ATP2C2: variants seen among roughly 807,000 people sequenced by gnomAD.
ATP2C2 encodes the protein calcium-transporting ATPase type 2C member 2.
ATP2C2 carries 171 observed loss-of-function variants against 110.8 expected under a neutral mutation model. The ratio of observed to expected loss-of-function variants is 1.54; its 90% CI spans 1.36 to 1.75. The LOEUF is 1.75. Ranked by LOEUF, ATP2C2 falls within the 40% of genes most tolerant of loss-of-function variation. ATP2C2 has a pLI of 0.00. For missense variants in ATP2C2, 1,963 were observed against 1,235.0 expected (o/e 1.59, Z -8.84); for synonymous variants, 804 against 508.4 (o/e 1.58, Z -7.82).
chr16:84,459,899 G>T, intron 23 of ATP2C2: 1 of 325,518 alleles, frequency 3.1e-6, no homozygotes, highest in Non-Finnish European at 5.9e-6. Flanking sequence ...TAGGTGCTCA[G>T]GAGTCCACCC....
At position 84,459,159 on chromosome 16, in the gene ATP2C2, CA is replaced by C; in HGVS notation, c.2192del (p.Asn731ThrfsTer7). 1 of 1,614,182 alleles carries C rather than the reference CA, an allele frequency of 6.2e-7. No individual in the cohort carries two copies. The highest frequency in any genetic ancestry group is 8.5e-7 in the Non-Finnish European group (1 of 1,180,034). The part of the protein sequence containing the change: ...EEGKGIFYNI[K>X]NFVRFQLSTS... Reference sequence around the variant, plus strand: ...AAGGCAAGGGTATTTTTTACAACATCAAAAACTTTGTCCGATTCCAGCTGAG... The same window carrying C: ...AAGGCAAGGGTATTTTTTACAACATCAAAACTTTGTCCGATTCCAGCTGAG... On this transcript the variant is annotated frameshift_variant, in exon 22 of 27. Transcript: ENST00000262429. LOFTEE classifies it high-confidence loss of function.
intron 21 of ATP2C2, among the ~76,000 whole-genome samples, chr16:84,458,125 A>C: frequency 1.4e-4 from 1 of 6,988 alleles, no homozygotes; most frequent in South Asian, 2.8e-3. Flanking sequence ...CTGGATTAAG[A>C]AAATGTGGCA....
At chr16:84,437,665 G>T (rs1191832003) in intron 11 of ATP2C2, among the ~76,000 whole-genome samples, 1 of 152,136 alleles carries the variant, frequency 6.6e-6, no homozygotes. Context: ...ACAGGTGCAT[G>T]CCACCACACC....
intron 1 of ATP2C2, among the ~76,000 whole-genome samples, 183 bp from the exon 2 acceptor site, chr16:84,398,316 G>C (rs75323445): frequency 6.6e-6 from 1 of 152,132 alleles, no homozygotes; most frequent in African/African-American, 2.4e-5. Context: ...TGAGACAGAA[G>C]AATCTCTTGA....
At chr16:84,412,787 C>G (rs1286129470) in intron 6 of ATP2C2, among the ~76,000 whole-genome samples, 3 of 152,082 alleles carry the variant, frequency 2.0e-5, no homozygotes, top group African/African-American at 7.2e-5. Context: ...CCTGGCTGCT[C>G]AAAGTGATAG....
chr16:84,396,078 C>T (rs1018200406), intron 1 of ATP2C2, among the ~76,000 whole-genome samples: 6 of 152,070 alleles, frequency 3.9e-5, no homozygotes, highest in Non-Finnish European at 8.8e-5. Context: ...TTTGTCCTTT[C>T]GGGTCTGGCT....
At chr16:84,432,831 T>C (rs570208940) in intron 11 of ATP2C2, among the ~76,000 whole-genome samples, 43 of 152,210 alleles carry the variant, frequency 2.8e-4, no homozygotes, top group African/African-American at 9.6e-4. Flanking sequence ...GAGACTCATA[T>C]TTCTAACAAG....
In ATP2C2 at chr16:84,438,983, G is replaced by A. The variant is rs1908990699; in HGVS notation, c.987-183G>A. On this transcript the variant is annotated intron_variant, in intron 11 of 26. Transcript: ENST00000262429. ...CCAAGAGCGGGGTCTGCAGGGGAGG[G>A]CTCAGGACAGTGGGTGCTGCAGAAG... The A allele has an allele frequency of 2.1e-5, 17 of 811,340 alleles. No individual in the cohort carries two copies. In the East Asian group the frequency reaches 3.9e-4, roughly 19 times the overall value. The allele number at this position is 811,340 out of a possible 1,614,324, so 50.3% of individuals were successfully genotyped here.
At chr16:84,460,328 G>A (rs1029766158) in intron 23 of ATP2C2, 22 of 383,556 alleles carry the variant, frequency 5.7e-5, no homozygotes, top group African/African-American at 4.4e-4. Context: ...CCTGGAGCCT[G>A]TTTCTCCAGG....
intron 1 of ATP2C2, among the ~76,000 whole-genome samples, chr16:84,374,117 C>T (rs1255966395): frequency 6.6e-6 from 1 of 152,212 alleles, no homozygotes; most frequent in African/African-American, 2.4e-5. Flanking sequence ...GTATGTACTA[C>T]TACACTTAGT....
chr16:84,462,283 A>G, intron 26 of ATP2C2, 154 bp downstream of exon 26: 1 of 968,400 alleles, frequency 1.0e-6, no homozygotes, highest in Non-Finnish European at 1.5e-6. Flanking sequence ...CTGTCCTCAC[A>G]GGAAGGGACT....
At chr16:84,412,552 G>A (rs1012580046) in intron 6 of ATP2C2, among the ~76,000 whole-genome samples, 7 of 40,462 alleles carry the variant, frequency 1.7e-4, no homozygotes, top group African/African-American at 3.8e-4. Context: ...GTATGCGTGT[G>A]TGTGTGTGTG....
chr16:84,462,312 C>G (rs183594083), intron 26 of ATP2C2, 183 bp downstream of exon 26: 3 of 754,058 alleles, frequency 4.0e-6, no homozygotes, highest in African/African-American at 1.8e-5. Flanking sequence ...GGTGATGTGA[C>G]GGATGCACAG....
chr16:84,399,420 G>T (rs925110620), intron 2 of ATP2C2, among the ~76,000 whole-genome samples: 1 of 152,138 alleles, frequency 6.6e-6, no homozygotes, highest in African/African-American at 2.4e-5. Context: ...AATCAATTCT[G>T]TTCTCCCCGT....
At position 84,425,750 on chromosome 16, in the gene ATP2C2, T is replaced by C. The variant is rs746333499; in HGVS notation, c.935T>C (p.Ile312Thr). 4.3e-6 allele frequency: 7 copies of C among 1,614,048 alleles called. No homozygotes were observed. In the African/African-American group the frequency reaches 6.7e-5, roughly 15 times the overall value. ...TCTTCCCCAGGTCTCATCATGCTCA[T>C]TGGCTGGTCGCAAGGGAAACAACTC... ...SFGIIGLIML[I>T]GWSQGKQLLS... Residue 312 changes from isoleucine (I) to threonine (T), a missense_variant, in exon 11 of 27, where the codon ATT becomes ACT. Physicochemically the swap from Ile to Thr is moderately conservative, Grantham distance 89. Transcript: ENST00000262429.
intron 23 of ATP2C2, 194 bp downstream of exon 23, chr16:84,459,580 C>A: frequency 3.3e-6 from 5 of 1,536,224 alleles, no homozygotes; most frequent in Non-Finnish European, 4.4e-6. Context: ...AGTACCTGGG[C>A]CGGCAGAGCT....
At chr16:84,459,602 G>C in intron 23 of ATP2C2, 1 of 1,534,474 alleles carries the variant, frequency 6.5e-7, no homozygotes, top group Middle Eastern at 1.7e-4. Context: ...GGTGAGGATG[G>C]AACTTTCTGC....
rs866045255 is a variant in ATP2C2, at chr16:84,454,094, G to A, written c.1980+723G>A. 1.8e-4 allele frequency among the ~76,000 whole-genome samples: 28 copies of A among 152,262 alleles called. 1 individual carries two copies. The highest frequency in any genetic ancestry group is 6.3e-4 in the African/African-American group (26 of 41,566). Reference sequence around the variant, plus strand: ...GACCTCAGGTGATCCGCCTATCTTCGCCTCCCAAAGTGCTGGGTGCTTTTT... The same window carrying A: ...GACCTCAGGTGATCCGCCTATCTTCACCTCCCAAAGTGCTGGGTGCTTTTT... On this transcript the variant is annotated intron_variant, in intron 20 of 26. Transcript: ENST00000262429.
At chr16:84,368,737 C>G in intron 1 of ATP2C2, 23 bp downstream of exon 1, 1 of 1,489,414 alleles carries the variant, frequency 6.7e-7, no homozygotes, top group Non-Finnish European at 9.0e-7. Flanking sequence ...GACTCCGCGC[C>G]GGGCGTGCGA....
Sources: gnomAD v4.1 joint callset for allele counts (sites outside exome capture counted in the v4.1 genomes callset) on GRCh38, gnomAD v4.1.1 for gene constraint, MANE v1.5 for transcripts, NCBI Gene and HGNC (gene_info 2026-07-23, HGNC 2026-07-21) for gene names.